The following PDE4B variants were observed in gnomAD, a reference collection of about 807,000 sequenced individuals.
PDE4B encodes the protein phosphodiesterase 4B.
A neutral mutation model predicts 82.2 loss-of-function variants in PDE4B; 20 were observed. The ratio of observed to expected loss-of-function variants is 0.24; its 90% CI spans 0.17 to 0.35. PDE4B has a LOEUF of 0.35. Ranked by LOEUF, PDE4B falls within the 10% of genes least tolerant of loss-of-function variation. The probability of loss-of-function intolerance (pLI) is 1.00; values close to 1 mark genes in which losing one functional copy is unlikely to be tolerated. For synonymous variants in PDE4B, 320 were observed against 318.9 expected (o/e 1.00, Z -0.04); for missense variants, 655 against 907.2 (o/e 0.72, Z 3.57).
At chr1:65,998,134 A>T (rs1458627652) in intron 3 of PDE4B, among the ~76,000 whole-genome samples, 1 of 152,228 alleles carries the variant, frequency 6.6e-6, no homozygotes, top group Non-Finnish European at 1.5e-5. Context: ...TTAAGCATAT[A>T]AAACCCCCTG....
At chr1:66,207,909 G>C (rs544421992) in intron 3 of PDE4B, among the ~76,000 whole-genome samples, 27 of 152,276 alleles carry the variant, frequency 1.8e-4, no homozygotes, top group Non-Finnish European at 3.4e-4. Flanking sequence ...TTGATCTCAG[G>C]CTTGTTTATC....
At chr1:65,968,120 A>ACTATGTCTCGGT (rs1649944587) in intron 3 of PDE4B, among the ~76,000 whole-genome samples, 1 of 152,112 alleles carries the variant, frequency 6.6e-6, no homozygotes, top group Non-Finnish European at 1.5e-5. Flanking sequence ...TAATAGAAAG[A>ACTATGTCTCGGT]CTATGGACCG....
intron 3 of PDE4B, among the ~76,000 whole-genome samples, chr1:66,246,241 TTG>T (rs1653302372): frequency 6.6e-6 from 1 of 152,126 alleles, no homozygotes; most frequent in Non-Finnish European, 1.5e-5. Flanking sequence ...CTTCACAGGG[TTG>T]TTAGGAGTAA....
rs184219581 is a variant in PDE4B at position 66,177,478 on chromosome 1, C to T, written c.282-69982C>T. ...AATTCAGGTGACTTTGTAGAAATAACATCTGACAAGCGTTGGTCTTTGACC... is the reference window on the plus strand; with the variant it reads ...AATTCAGGTGACTTTGTAGAAATAATATCTGACAAGCGTTGGTCTTTGACC... On this transcript the variant is annotated intron_variant, in intron 3 of 16. Coordinates refer to ENST00000341517, the MANE Select transcript of PDE4B (RefSeq NM_002600.4). Among the ~76,000 whole-genome samples the T allele has an allele frequency of 2.6e-5, 4 of 152,330 alleles. No individual in the cohort carries two copies. In the East Asian group the frequency reaches 7.7e-4, roughly 29 times the overall value.
At position 66,018,385 on chromosome 1, in the gene PDE4B, A is replaced by T. The variant is rs532606100; in HGVS notation, c.281+99550A>T. On this transcript the variant is annotated intron_variant, in intron 3 of 16. Transcript: ENST00000341517. The stretch of plus-strand genomic sequence containing the variant: ...CAGTGAGCCGAGATCGTGCCACTGC[A>T]CTCCAGCCTGGGCGACAGGGTGAGA... 1.2e-4 allele frequency among the ~76,000 whole-genome samples: 18 copies of T among 152,280 alleles called. No homozygotes were observed. In the South Asian group the frequency reaches 3.7e-3, roughly 32 times the overall value.
In PDE4B at chr1:66,298,159, C is replaced by T. The variant is rs532488924; in HGVS notation, c.634+32072C>T. Reference sequence around the variant, plus strand: ...ATCAATAGAACAATATACTTTTGTTCTCATGCTGACTCTTGTTCTCAAGTT... The same window carrying T: ...ATCAATAGAACAATATACTTTTGTTTTCATGCTGACTCTTGTTCTCAAGTT... On this transcript the variant is annotated intron_variant, in intron 7 of 16. Transcript: ENST00000341517. Among the ~76,000 whole-genome samples the T allele has an allele frequency of 7.9e-5, 12 of 152,248 alleles. No homozygotes were observed. The South Asian group carries it at 2.5e-3, about 32-fold the overall frequency.
chr1:66,152,740 G>A (rs1440134833), intron 3 of PDE4B, among the ~76,000 whole-genome samples: 2 of 151,658 alleles, frequency 1.3e-5, no homozygotes, highest in Non-Finnish European at 2.9e-5. Flanking sequence ...TGTAGGGCAA[G>A]CCAACAGACT....
intron 3 of PDE4B, among the ~76,000 whole-genome samples, chr1:66,090,107 G>C (rs1008361826): frequency 1.3e-5 from 2 of 152,028 alleles, no homozygotes; most frequent in African/African-American, 4.8e-5. Context: ...TCATGGAAGA[G>C]ACAGGAATTT....
At chr1:66,196,627 C>T (rs1305444993) in intron 3 of PDE4B, among the ~76,000 whole-genome samples, 1 of 152,066 alleles carries the variant, frequency 6.6e-6, no homozygotes, top group Non-Finnish European at 1.5e-5. Flanking sequence ...GAAAAGTCAG[C>T]CATAAAAAAT....
chr1:65,871,268 AG>A (rs1646570150), intron 1 of PDE4B, among the ~76,000 whole-genome samples: 1 of 137,992 alleles, frequency 7.2e-6, no homozygotes, highest in Admixed American at 7.4e-5. Flanking sequence ...GTGCTAGAGC[AG>A]GGCTTGCAAG....
chr1:66,137,268 G>A (rs762126365), intron 3 of PDE4B, among the ~76,000 whole-genome samples: 2 of 152,122 alleles, frequency 1.3e-5, no homozygotes, highest in African/African-American at 2.4e-5. Flanking sequence ...TGTCTCGTGG[G>A]GTGTAGGAAG....
At chr1:66,257,067 A>G (rs563140710) in intron 4 of PDE4B, among the ~76,000 whole-genome samples, 60 of 152,344 alleles carry the variant, frequency 3.9e-4, no homozygotes, top group Non-Finnish European at 5.3e-4. Flanking sequence ...TGACAATGGT[A>G]TGATTATGGC....
chr1:66,312,308 TA>T (rs1401650519), intron 7 of PDE4B, among the ~76,000 whole-genome samples: 2 of 152,186 alleles, frequency 1.3e-5, no homozygotes, highest in African/African-American at 2.4e-5. Flanking sequence ...CTTAGTGGCT[TA>T]AAACGACACA....
rs966063878 is a variant in PDE4B, at chr1:66,374,497, A to G, written c.*1819A>G. The G allele has an allele frequency of 1.3e-5, 2 of 152,652 alleles. No individual in the cohort carries two copies. Among genetic ancestry groups the G allele is most frequent in the African/African-American group, 4.8e-5 (2 of 41,452 alleles). The allele number at this position is 152,652 out of a possible 1,614,324, so 9.5% of individuals were successfully genotyped here. A position where few individuals can be genotyped will look rare whatever the true frequency, so the allele number is the denominator to read the frequency against. ...AAATGTTTCTCACAATGTATGTTAT[A>G]GTATTATTATTATATATTGTGTTCA... On this transcript the variant is annotated 3_prime_UTR_variant, in exon 17 of 17. Transcript: ENST00000341517.
chr1:65,817,445 G>A (rs1645899632), intron 1 of PDE4B, among the ~76,000 whole-genome samples: 2 of 152,184 alleles, frequency 1.3e-5, no homozygotes, highest in Admixed American at 6.5e-5. Context: ...ACATGTACAT[G>A]TCAGTACATA....
At chr1:65,850,555 G>A (rs1646320007) in intron 1 of PDE4B, among the ~76,000 whole-genome samples, 1 of 152,098 alleles carries the variant, frequency 6.6e-6, no homozygotes, top group African/African-American at 2.4e-5. Flanking sequence ...TTGGCCATTT[G>A]TGTATCTTTT....
At chr1:65,831,862 C>A (rs1328861343) in intron 1 of PDE4B, among the ~76,000 whole-genome samples, 1 of 152,158 alleles carries the variant, frequency 6.6e-6, no homozygotes, top group Non-Finnish European at 1.5e-5. Context: ...TGTCTTCATT[C>A]ATTCAGCTAT....
intron 1 of PDE4B, among the ~76,000 whole-genome samples, chr1:65,872,448 G>A (rs185173246): frequency 1.3e-5 from 2 of 152,118 alleles, no homozygotes; most frequent in East Asian, 1.9e-4. Flanking sequence ...CTGAGAACAG[G>A]AAGTAATCAG....
intron 1 of PDE4B, among the ~76,000 whole-genome samples, chr1:65,883,373 T>A (rs543484985): frequency 1.7e-3 from 257 of 152,296 alleles, no homozygotes; most frequent in African/African-American, 5.3e-3. Context: ...GTCCCTCACA[T>A]CCCTTGTAAG....
Sources: allele counts gnomAD v4.1 joint callset (sites outside exome capture counted in the v4.1 genomes callset), GRCh38; gene constraint gnomAD v4.1.1; transcripts MANE v1.5; gene names NCBI Gene and HGNC (gene_info 2026-07-23, HGNC 2026-07-21).